KCTD1: variants seen among roughly 807,000 people sequenced by gnomAD.
KCTD1 encodes the protein potassium channel tetramerization domain containing 1, also known as BTB/POZ domain-containing protein KCTD1.
A neutral mutation model predicts 66.0 loss-of-function variants in KCTD1; 24 were observed. That is an observed-to-expected ratio of 0.36 (90% CI 0.26 to 0.51). The LOEUF (loss-of-function observed/expected upper bound fraction) is 0.51. KCTD1 is among the 20% of genes least tolerant of loss of function. The pLI is 0.95. For synonymous variants in KCTD1, 511 were observed against 517.2 expected, an observed-to-expected ratio of 0.99 and a Z score of 0.16; for missense variants, 943 against 1,205.2, an observed-to-expected ratio of 0.78 and a Z score of 3.22.
intron 1 of KCTD1, among the ~76,000 whole-genome samples, chr18:26,525,121 G>A (rs999950778): frequency 6.6e-6 from 1 of 152,142 alleles, no homozygotes; most frequent in Non-Finnish European, 1.5e-5. Flanking sequence ...GATCCAAACA[G>A]CAACTTTAAA....
chr18:26,518,810 T>A (rs550277169), intron 1 of KCTD1, among the ~76,000 whole-genome samples: 107 of 152,312 alleles, frequency 7.0e-4, no homozygotes, highest in Non-Finnish European at 1.2e-3. Context: ...CCCAAAGTGT[T>A]AGGATTACAG....
At chr18:26,561,919 C>T (rs911573519) in intron 1 of KCTD1, among the ~76,000 whole-genome samples, 2 of 152,204 alleles carry the variant, frequency 1.3e-5, no homozygotes, top group African/African-American at 4.8e-5. Flanking sequence ...TCCAGACCCA[C>T]CGTCTAGTCT....
intron 1 of KCTD1, among the ~76,000 whole-genome samples, chr18:26,613,203 G>A (rs566581407): frequency 3.3e-5 from 5 of 152,300 alleles, no homozygotes; most frequent in African/African-American, 1.2e-4. Context: ...ATCAATGGAT[G>A]TGAAATTTCT....
chr18:26,490,685 G>T (rs1207944696), intron 2 of KCTD1, among the ~76,000 whole-genome samples: 1 of 152,130 alleles, frequency 6.6e-6, no homozygotes, highest in African/African-American at 2.4e-5. Flanking sequence ...TCAAGTGTTT[G>T]CTCTGTGCCA....
rs535887493 is a variant in KCTD1, at chr18:26,657,100, C to G, written c.9+260G>C. 2.5e-3 allele frequency among the ~76,000 whole-genome samples: 382 copies of G among 151,566 alleles called. 3 individuals carry two copies. Among genetic ancestry groups the G allele is most frequent in the African/African-American group, 8.6e-3 (358 of 41,470 alleles). Reference sequence around the variant, plus strand: ...GCCGCACCCGCTCCTCCTGCCCGCTCTGCTCCGCCCTGCTCTCGCCAGCTC... The same window carrying G: ...GCCGCACCCGCTCCTCCTGCCCGCTGTGCTCCGCCCTGCTCTCGCCAGCTC... On this transcript the variant is annotated intron_variant, in intron 1 of 4. Coordinates refer to the KCTD1 transcript ENST00000580191.
chr18:26,556,092 A>G (rs1985700779), intron 1 of KCTD1, among the ~76,000 whole-genome samples: 1 of 152,208 alleles, frequency 6.6e-6, no homozygotes, highest in Non-Finnish European at 1.5e-5. Flanking sequence ...GAACTAATTG[A>G]CTTACTTTTT....
At chr18:26,460,077 C>A in intron 3 of KCTD1, 152 bp from the exon 4 acceptor site, 1 of 621,010 alleles carries the variant, frequency 1.6e-6, no homozygotes, top group Non-Finnish European at 2.8e-6. Flanking sequence ...TGTAGAGGCT[C>A]AATTTGCATT....
At chr18:26,490,996 G>A (rs866057658) in intron 2 of KCTD1, among the ~76,000 whole-genome samples, 8 of 151,972 alleles carry the variant, frequency 5.3e-5, no homozygotes, top group South Asian at 2.1e-4. Flanking sequence ...CAAGTGATCC[G>A]CCCACCTCGG....
intron 3 of KCTD1, among the ~76,000 whole-genome samples, chr18:26,471,404 G>C (rs987432426): frequency 2.6e-5 from 4 of 151,980 alleles, no homozygotes; most frequent in African/African-American, 9.7e-5. Flanking sequence ...TGGGACCTCA[G>C]TAAGACTTCC....
chr18:26,593,764 A>G (rs28715669), intron 1 of KCTD1, among the ~76,000 whole-genome samples: 12 of 89,008 alleles, frequency 1.3e-4, no homozygotes, highest in Non-Finnish European at 2.2e-4. Context: ...GCAGGAGGAG[A>G]AGGACAAGGA....
intron 1 of KCTD1, among the ~76,000 whole-genome samples, chr18:26,587,463 T>G (rs954548850): frequency 2.0e-5 from 3 of 152,252 alleles, no homozygotes; most frequent in Non-Finnish European, 2.9e-5. Context: ...TAACATCCAT[T>G]CTGTAGCCCA....
intron 1 of KCTD1, among the ~76,000 whole-genome samples, chr18:26,611,105 G>A (rs1987127909): frequency 1.3e-5 from 2 of 152,056 alleles, no homozygotes; most frequent in Admixed American, 1.3e-4. Flanking sequence ...GCTGCTTGAG[G>A]TTGTCCCACA....
chr18:26,491,209 G>C (rs1049176184), intron 2 of KCTD1, among the ~76,000 whole-genome samples: 4 of 152,248 alleles, frequency 2.6e-5, no homozygotes, highest in South Asian at 2.1e-4. Context: ...GGGGTCTACT[G>C]TTCCAGCAGC....
At chr18:26,570,904 T>C (rs1346526858) in intron 1 of KCTD1, among the ~76,000 whole-genome samples, 1 of 152,256 alleles carries the variant, frequency 6.6e-6, no homozygotes, top group East Asian at 1.9e-4. Context: ...TCTGTGAGGT[T>C]GTCTAAATCA....
chr18:26,609,411 T>C (rs56956513), intron 1 of KCTD1, among the ~76,000 whole-genome samples: 30,892 of 152,162 alleles, frequency 0.2, 3,363 homozygotes, highest in Middle Eastern at 0.28. Context: ...AAAAGATTTC[T>C]TGCTTAAGCA....
chr18:26,549,614 G>A, upstream of KCTD1: 1 of 817,580 alleles, frequency 1.2e-6, no homozygotes, highest in Middle Eastern at 6.2e-4. Context: ...GCTCCACCAA[G>A]CTGGAGCTGA....
At chr18:26,532,691 G>C (rs1235289263) in intron 1 of KCTD1, among the ~76,000 whole-genome samples, 1 of 152,176 alleles carries the variant, frequency 6.6e-6, no homozygotes, top group African/African-American at 2.4e-5. Flanking sequence ...CTGGCTTTAC[G>C]CAGTGCCTTA....
chr18:26,587,844 G>A (rs1490860636), intron 1 of KCTD1, among the ~76,000 whole-genome samples: 1 of 152,186 alleles, frequency 6.6e-6, no homozygotes, highest in African/African-American at 2.4e-5. Flanking sequence ...ATGAGAAAAC[G>A]TTAACAGATG....
At chr18:26,598,554 T>G (rs1468298239) in intron 1 of KCTD1, among the ~76,000 whole-genome samples, 1 of 152,152 alleles carries the variant, frequency 6.6e-6, no homozygotes, top group Non-Finnish European at 1.5e-5. Context: ...TATCTTTAAC[T>G]TTTTTGAGGG....
Sources: allele counts gnomAD v4.1 joint callset (sites outside exome capture counted in the v4.1 genomes callset), GRCh38; gene constraint gnomAD v4.1.1; transcripts MANE v1.5; gene names NCBI Gene and HGNC (gene_info 2026-07-23, HGNC 2026-07-21).